NTM: variants seen among roughly 807,000 people sequenced by gnomAD.
The protein encoded by NTM is neurotrimin.
Under a neutral mutation model 42.1 loss-of-function variants are expected in NTM, and 13 were observed. The observed-to-expected ratio is 0.31, with a 90% CI of 0.20 to 0.49. NTM has a LOEUF of 0.49. Among genes scored for constraint, NTM ranks in the 20% least tolerant of loss-of-function variants. The pLI is 0.99. For synonymous variants in NTM, 187 were observed against 179.2 expected, an observed-to-expected ratio of 1.04 and a Z score of -0.35; for missense variants, 373 against 452.8, an observed-to-expected ratio of 0.82 and a Z score of 1.60.
chr11:131,953,559 A>G (rs911215374), intron 2 of NTM, among the ~76,000 whole-genome samples: 1 of 152,210 alleles, frequency 6.6e-6, no homozygotes, highest in African/African-American at 2.4e-5. Flanking sequence ...CCTGATCCAA[A>G]GGAGGGAGCT....
intron 4 of NTM, among the ~76,000 whole-genome samples, chr11:132,300,447 C>T (rs1047026567): frequency 3.9e-5 from 6 of 152,292 alleles, no homozygotes; most frequent in Middle Eastern, 3.4e-3. Flanking sequence ...CTATAGGGCT[C>T]GAGTGCAGAA....
chr11:131,447,989 G>C (rs1950191263), intron 1 of NTM, among the ~76,000 whole-genome samples: 1 of 152,232 alleles, frequency 6.6e-6, no homozygotes. Flanking sequence ...TGGAAAGCCA[G>C]TAAGATGAAA....
intron 4 of NTM, among the ~76,000 whole-genome samples, chr11:132,252,108 T>C (rs2092008162): frequency 6.6e-6 from 1 of 152,120 alleles, no homozygotes; most frequent in African/African-American, 2.4e-5. Flanking sequence ...CTACCTCTCC[T>C]TTTCCCTCCC....
At chr11:131,893,729 G>A (rs970877292) in intron 1 of NTM, among the ~76,000 whole-genome samples, 42 of 152,306 alleles carry the variant, frequency 2.8e-4, no homozygotes, top group African/African-American at 9.9e-4. Context: ...CATCAAGGAA[G>A]CCTGGAGGTG....
At chr11:131,780,142 T>G (rs192100607) in intron 1 of NTM, among the ~76,000 whole-genome samples, 3 of 152,298 alleles carry the variant, frequency 2.0e-5, no homozygotes, top group Admixed American at 1.3e-4. Flanking sequence ...CATAGCCAAA[T>G]CCATCTTTTA....
intron 2 of NTM, among the ~76,000 whole-genome samples, chr11:131,993,396 G>T (rs2067373892): frequency 6.6e-6 from 1 of 152,070 alleles, no homozygotes; most frequent in Non-Finnish European, 1.5e-5. Flanking sequence ...TTTTGGCTTG[G>T]GTAATGAGGT....
intron 2 of NTM, among the ~76,000 whole-genome samples, chr11:131,977,169 C>G (rs1228121679): frequency 6.6e-6 from 1 of 152,260 alleles, no homozygotes; most frequent in Non-Finnish European, 1.5e-5. Context: ...TGCTACCCCA[C>G]TCACCAGTGC....
intron 1 of NTM, among the ~76,000 whole-genome samples, chr11:131,551,995 T>C (rs1221835215): frequency 1.3e-5 from 2 of 151,868 alleles, no homozygotes; most frequent in Admixed American, 6.6e-5. Flanking sequence ...TGCAGCAGAC[T>C]GCAGCAAGCA....
At chr11:132,260,286 G>A (rs2092768897) in intron 4 of NTM, among the ~76,000 whole-genome samples, 1 of 151,074 alleles carries the variant, frequency 6.6e-6, no homozygotes, top group South Asian at 2.1e-4. Context: ...GAGAACATAA[G>A]TTCAGAGAAA....
chr11:131,485,690 T>C (rs550800476), intron 1 of NTM, among the ~76,000 whole-genome samples: 1 of 152,330 alleles, frequency 6.6e-6, no homozygotes, highest in African/African-American at 2.4e-5. Flanking sequence ...AGACAGGGTA[T>C]TGATACCAGG....
At chr11:131,973,525 A>T (rs999942960) in intron 2 of NTM, among the ~76,000 whole-genome samples, 14 of 152,164 alleles carry the variant, frequency 9.2e-5, no homozygotes, top group African/African-American at 3.4e-4. Context: ...TTTTTAGAAG[A>T]CTAACTGGCA....
intron 1 of NTM, among the ~76,000 whole-genome samples, chr11:131,747,867 T>C (rs1031957171): frequency 6.6e-6 from 1 of 152,164 alleles, no homozygotes; most frequent in African/African-American, 2.4e-5. Context: ...AAGCTCCTCG[T>C]TATCCTGTGA....
chr11:132,007,662 T>TG (rs2071117528), intron 2 of NTM, among the ~76,000 whole-genome samples: 1 of 152,228 alleles, frequency 6.6e-6, no homozygotes, highest in Admixed American at 6.5e-5. Context: ...TGAATCCTTT[T>TG]GTGAAGGAAT....
At chr11:131,998,802 C>G (rs903018591) in intron 2 of NTM, among the ~76,000 whole-genome samples, 1 of 152,094 alleles carries the variant, frequency 6.6e-6, no homozygotes, top group African/African-American at 2.4e-5. Flanking sequence ...CAAGAATGAT[C>G]GGTGGGGATG....
intron 3 of NTM, among the ~76,000 whole-genome samples, chr11:132,193,949 A>G (rs1263280784): frequency 6.6e-6 from 1 of 152,284 alleles, no homozygotes; most frequent in South Asian, 2.1e-4. Flanking sequence ...ACCAATAATG[A>G]GTTCCAAAAT....
chr11:131,914,762 G>A lies in NTM; in HGVS notation c.167+3114G>A, dbSNP rs866231385. On this transcript the variant is annotated intron_variant, in intron 2 of 8. Transcript: ENST00000683400. ...CATTCTGTAGGCATATTTCTTAAAA[G>A]GGTGAGGTAAAACAGAATCTGCATT... 2.6e-5 allele frequency among the ~76,000 whole-genome samples: 4 copies of A among 152,206 alleles called. No individual in the cohort carries two copies. In the South Asian group the frequency reaches 8.3e-4, roughly 32 times the overall value.
At chr11:131,805,921 T>A (rs981318441) in intron 1 of NTM, among the ~76,000 whole-genome samples, 5 of 152,222 alleles carry the variant, frequency 3.3e-5, no homozygotes, top group African/African-American at 1.2e-4. Flanking sequence ...AACATGATGT[T>A]TATGGTCATG....
intron 1 of NTM, among the ~76,000 whole-genome samples, chr11:131,448,262 A>G (rs1171631044): frequency 5.3e-5 from 8 of 152,236 alleles, no homozygotes; most frequent in African/African-American, 1.4e-4. Context: ...CAGCTGCACC[A>G]TCTTCTTCTC....
intron 1 of NTM, chr11:131,767,136 T>A (rs2085249533): frequency 8.1e-6 from 8 of 982,920 alleles, no homozygotes; most frequent in Admixed American, 6.1e-5. Flanking sequence ...GGATCAACAG[T>A]TCAGGCTCCA....
Sources: allele counts gnomAD v4.1 joint callset (sites outside exome capture counted in the v4.1 genomes callset), GRCh38; gene constraint gnomAD v4.1.1; transcripts MANE v1.5; gene names NCBI Gene and HGNC (gene_info 2026-07-23, HGNC 2026-07-21).